The following LRRC4B variants were observed in gnomAD, a reference collection of about 807,000 sequenced individuals.
The protein encoded by LRRC4B is leucine rich repeat containing 4B, also known as leucine-rich repeat-containing protein 4B.
A neutral mutation model predicts 7.3 loss-of-function variants in LRRC4B; 1 was observed. That is an observed-to-expected ratio of 0.14 (90% CI 0.05 to 0.65). LRRC4B has a LOEUF of 0.65. LRRC4B is among the 30% of genes least tolerant of loss of function. The pLI is 0.84. For synonymous variants in LRRC4B, 500 were observed against 499.2 expected (o/e 1.00, Z -0.02); for missense variants, 730 against 1,041.6 (o/e 0.70, Z 4.12).
At chr19:50,560,428 C>T (rs749945297) in intron 1 of LRRC4B, among the ~76,000 whole-genome samples, 6 of 152,186 alleles carry the variant, frequency 3.9e-5, no homozygotes, top group African/African-American at 7.2e-5. Context: ...GGGAGCTTCA[C>T]CCCTCAGGAC....
chr19:50,548,406 A>T lies in LRRC4B; in HGVS notation c.297+136T>A. The T allele has an allele frequency of 8.1e-7, 1 of 1,232,692 alleles. No individual in the cohort carries two copies. Among genetic ancestry groups the T allele is most frequent in the Non-Finnish European group, 1.1e-6 (1 of 891,682 alleles). 76.4% of individuals were successfully genotyped at this position (1,232,692 alleles called of 1,614,324 possible). Reference sequence around the variant, plus strand: ...AGCCCGGCTCCAGCTGATAGGATGCAGACCCGCAGGCCACATCCACAGGTG... The same window carrying T: ...AGCCCGGCTCCAGCTGATAGGATGCTGACCCGCAGGCCACATCCACAGGTG... On this transcript the variant is annotated intron_variant, in intron 2 of 2. Transcript: ENST00000652263. This position sits in a 1 kb window ranked among gnomAD's most constrained non-coding sequence, Gnocchi z 6.8.
chr19:50,560,027 C>T (rs968072400), intron 1 of LRRC4B, among the ~76,000 whole-genome samples: 10 of 152,048 alleles, frequency 6.6e-5, no homozygotes, highest in African/African-American at 1.4e-4. Context: ...TCCAGCTACT[C>T]GGGAGGCTGA....
intron 1 of LRRC4B, among the ~76,000 whole-genome samples, chr19:50,564,256 T>TA (rs1443740054): frequency 6.6e-6 from 1 of 151,932 alleles, no homozygotes; most frequent in Non-Finnish European, 1.5e-5. Context: ...ATCTCTAATT[T>TA]AAAAAATGTT....
At chr19:50,546,409 C>T (rs980653357) in intron 2 of LRRC4B, among the ~76,000 whole-genome samples, 1 of 152,168 alleles carries the variant, frequency 6.6e-6, no homozygotes, top group Non-Finnish European at 1.5e-5. Context: ...CTCTTGCTGT[C>T]TGGGATGTGT....
At chr19:50,560,611 GAA>G in intron 1 of LRRC4B, among the ~76,000 whole-genome samples, 1 of 152,220 alleles carries the variant, frequency 6.6e-6, no homozygotes, top group East Asian at 1.9e-4. Context: ...TGGAGAGGTG[GAA>G]AGAGTGTTGG....
At chr19:50,554,731 G>A (rs544532314) in intron 1 of LRRC4B, among the ~76,000 whole-genome samples, 29 of 152,196 alleles carry the variant, frequency 1.9e-4, no homozygotes, top group East Asian at 3.9e-4. Context: ...ATTAGCCACC[G>A]CAGTTCACAT....
chr19:50,533,347 T>C lies in LRRC4B; in HGVS notation c.298-13932A>G, dbSNP rs368220105. ...TATATATTTTCTCATTATTTAGTGG[T>C]TACCCTTAAAATTTAACATGCATAC... On this transcript the variant is annotated intron_variant, in intron 2 of 2. Transcript: ENST00000652263. 3.9e-5 allele frequency among the ~76,000 whole-genome samples: 6 copies of C among 152,188 alleles called. No homozygotes were observed. In the East Asian group the frequency reaches 7.7e-4, roughly 20 times the overall value.
In LRRC4B at chr19:50,563,589, C is replaced by T. The variant is rs189651456; in HGVS notation, c.-36+4355G>A. 6.3e-4 allele frequency among the ~76,000 whole-genome samples: 96 copies of T among 152,312 alleles called. 2 individuals carry two copies. The highest frequency in any genetic ancestry group is 5.7e-3 in the Admixed American group (87 of 15,296). On this transcript the variant is annotated intron_variant, in intron 1 of 2. Coordinates refer to ENST00000652263, the MANE Select transcript of LRRC4B (RefSeq NM_001080457.2). This position sits in a 1 kb window ranked among gnomAD's most constrained non-coding sequence, Gnocchi z 4.9. ...CCCAGGTCCTCTAAGGCAGCCCCTGCTCTCCACCTGCTCTGGGGCCAAATG... is the reference window on the plus strand; with the variant it reads ...CCCAGGTCCTCTAAGGCAGCCCCTGTTCTCCACCTGCTCTGGGGCCAAATG...
chr19:50,527,762 T>TC (rs1294409351), intron 2 of LRRC4B, among the ~76,000 whole-genome samples: 1 of 150,726 alleles, frequency 6.6e-6, no homozygotes, highest in African/African-American at 2.4e-5. Flanking sequence ...TCTTTTTTTT[T>TC]TTTGAGTCTC....
rs113707095 is a variant in LRRC4B at position 50,517,934 on chromosome 19, G to A, written c.1779C>T (p.Leu593=). The A allele has an allele frequency of 3.2e-4, 499 of 1,565,778 alleles. No homozygotes were observed. Among genetic ancestry groups the A allele is most frequent in the Non-Finnish European group, 3.6e-4 (417 of 1,161,826 alleles). Residue 593 remains leucine (L), a synonymous_variant, in exon 3 of 3, where the codon CTC becomes CTT. Coordinates refer to ENST00000652263, the MANE Select transcript of LRRC4B (RefSeq NM_001080457.2). The surrounding 1 kb of genome is among the most constrained non-coding windows in gnomAD (Gnocchi z 6.6). ...VAITFMAAVM[L]VAFYKLRKQH... Reference sequence around the variant, plus strand: ...GCTTGCGCAGCTTGTAGAAGGCCACGAGCATCACCGCGGCCATGAACGTGA... The same window carrying A: ...GCTTGCGCAGCTTGTAGAAGGCCACAAGCATCACCGCGGCCATGAACGTGA...
In LRRC4B at chr19:50,548,249, G is replaced by A. The variant is rs372749963; in HGVS notation, c.297+293C>T. On this transcript the variant is annotated intron_variant, in intron 2 of 2. Transcript: ENST00000652263. The surrounding 1 kb of genome is among the most constrained non-coding windows in gnomAD (Gnocchi z 6.8). ...CCACACCCCAGGGACTCCAGGGCTCGGCCTAGGCCGACCCGCCTGTCCTGT... is the reference window on the plus strand; with the variant it reads ...CCACACCCCAGGGACTCCAGGGCTCAGCCTAGGCCGACCCGCCTGTCCTGT... Among the ~76,000 whole-genome samples, 5 of 152,190 alleles carry A rather than the reference G, an allele frequency of 3.3e-5. No homozygotes were observed. Among genetic ancestry groups the A allele is most frequent in the Admixed American group, 6.5e-5 (1 of 15,288 alleles).
chr19:50,547,030 G>A (rs964127854), intron 2 of LRRC4B, among the ~76,000 whole-genome samples: 3 of 152,234 alleles, frequency 2.0e-5, no homozygotes, highest in African/African-American at 4.8e-5. Context: ...TGAACGTCAC[G>A]TGTATAAGTG....
Position 50,563,385 on chromosome 19 carries a change from G to A in LRRC4B, c.-36+4559C>T, listed in dbSNP as rs560881604. ...GGGACAAAGGGTCTCCAAACTCAGAGTTAATGAGGTTTCCCGTACCCCACC... is the reference window on the plus strand; with the variant it reads ...GGGACAAAGGGTCTCCAAACTCAGAATTAATGAGGTTTCCCGTACCCCACC... On this transcript the variant is annotated intron_variant, in intron 1 of 2. Coordinates refer to ENST00000652263, the MANE Select transcript of LRRC4B (RefSeq NM_001080457.2). The surrounding 1 kb of genome is among the most constrained non-coding windows in gnomAD (Gnocchi z 4.9). Among the ~76,000 whole-genome samples, 30 of 152,302 alleles carry A rather than the reference G, an allele frequency of 2.0e-4. No homozygotes were observed. The highest frequency in any genetic ancestry group is 3.4e-3 in the Middle Eastern group (1 of 294).
Position 50,552,759 on chromosome 19 carries a change from CCCAT to C in LRRC4B, c.-35-3890_-35-3887del, listed in dbSNP as rs775317473. 1.2e-4 allele frequency among the ~76,000 whole-genome samples: 18 copies of C among 150,534 alleles called. 1 individual carries two copies. The East Asian group carries it at 1.6e-3, about 13-fold the overall frequency. On this transcript the variant is annotated intron_variant, in intron 1 of 2. Transcript: ENST00000652263. ...TTCCATCCCTCCGCCCATCCATCCA[CCCAT>C]CCATCCATCCATCCATCCGTCCACC...
At chr19:50,531,144 ATGCCCACCTCC>A (rs1981041975) in intron 2 of LRRC4B, among the ~76,000 whole-genome samples, 1 of 152,208 alleles carries the variant, frequency 6.6e-6, no homozygotes. Flanking sequence ...AGCCCCCTCC[ATGCCCACCTCC>A]TGCCTGCAGC....
At chr19:50,536,970 T>TG (rs1191594186) in intron 2 of LRRC4B, among the ~76,000 whole-genome samples, 2 of 151,962 alleles carry the variant, frequency 1.3e-5, no homozygotes, top group African/African-American at 4.8e-5. Flanking sequence ...CGACTCCAGC[T>TG]GGGTGTGGTG....
At chr19:50,567,669 G>A (rs1425295906) in intron 1 of LRRC4B, among the ~76,000 whole-genome samples, 1 of 144,510 alleles carries the variant, frequency 6.9e-6, no homozygotes, top group Non-Finnish European at 1.5e-5. Context: ...CGCAGCGACC[G>A]CCGGACGCAC....
At chr19:50,565,161 G>A (rs1370902196) in intron 1 of LRRC4B, among the ~76,000 whole-genome samples, 3 of 152,132 alleles carry the variant, frequency 2.0e-5, no homozygotes, top group Non-Finnish European at 4.4e-5. Context: ...ACGTGCCTCC[G>A]ACGCTGGCAC....
At chr19:50,522,294 A>G (rs935006966) in intron 2 of LRRC4B, among the ~76,000 whole-genome samples, 6 of 152,138 alleles carry the variant, frequency 3.9e-5, no homozygotes, top group Non-Finnish European at 8.8e-5. Flanking sequence ...TAACTCTTTT[A>G]ATCCTCCAAA....
Sources: allele counts gnomAD v4.1 joint callset (sites outside exome capture counted in the v4.1 genomes callset), GRCh38; gene constraint gnomAD v4.1.1; non-coding constraint Gnocchi (gnomAD v3.1); transcripts MANE v1.5; gene names NCBI Gene and HGNC (gene_info 2026-07-23, HGNC 2026-07-21).